MDGA2: variants seen among roughly 807,000 people sequenced by gnomAD.
The protein encoded by MDGA2 is MAM domain-containing glycosylphosphatidylinositol anchor protein 2.
Under a neutral mutation model 117.8 loss-of-function variants are expected in MDGA2, and 40 were observed. That is an observed-to-expected ratio of 0.34 (90% CI 0.26 to 0.44). The LOEUF (loss-of-function observed/expected upper bound fraction) is 0.44. Ranked by LOEUF, MDGA2 falls within the 20% of genes least tolerant of loss-of-function variation. The pLI is 1.00. For missense variants in MDGA2, 1,123 were observed against 1,250.6 expected, an observed-to-expected ratio of 0.90 and a Z score of 1.54; for synonymous variants, 452 against 439.0, an observed-to-expected ratio of 1.03 and a Z score of -0.37.
chr14:47,576,451 A>G (rs1295150673), intron 1 of MDGA2, among the ~76,000 whole-genome samples: 1 of 152,144 alleles, frequency 6.6e-6, no homozygotes, highest in Non-Finnish European at 1.5e-5. Context: ...TAAGGTATGC[A>G]TGATGGTGCA....
intron 12 of MDGA2, 54 bp from the exon 13 acceptor site, chr14:46,874,254 A>G (rs1882134692): frequency 1.1e-6 from 1 of 876,994 alleles, no homozygotes; most frequent in East Asian, 3.3e-5. Context: ...CACATACTGC[A>G]ATATTTTCAT....
intron 10 of MDGA2, among the ~76,000 whole-genome samples, chr14:46,903,501 A>T (rs1883372410): frequency 6.6e-6 from 1 of 152,190 alleles, no homozygotes; most frequent in East Asian, 1.9e-4. Context: ...ATCTTAACCA[A>T]AATGTCTAAT....
At chr14:46,861,620 T>C (rs1361963723) in intron 14 of MDGA2, among the ~76,000 whole-genome samples, 2 of 151,898 alleles carry the variant, frequency 1.3e-5, no homozygotes, top group Non-Finnish European at 2.9e-5. Context: ...TTTACTTGTT[T>C]GATAAGAAAA....
At chr14:46,925,303 A>G (rs1409626911) in intron 9 of MDGA2, among the ~76,000 whole-genome samples, 1 of 152,154 alleles carries the variant, frequency 6.6e-6, no homozygotes, top group Non-Finnish European at 1.5e-5. Context: ...AAGGTAAATA[A>G]ATAGTAAGAT....
chr14:47,475,432 G>A (rs1893816320), intron 1 of MDGA2, among the ~76,000 whole-genome samples: 1 of 152,002 alleles, frequency 6.6e-6, no homozygotes, highest in African/African-American at 2.4e-5. Flanking sequence ...CCTCAGAGAT[G>A]CAGACAGCAG....
intron 1 of MDGA2, among the ~76,000 whole-genome samples, chr14:47,376,219 G>A (rs923594408): frequency 1.3e-5 from 2 of 152,036 alleles, no homozygotes; most frequent in African/African-American, 4.8e-5. Flanking sequence ...GAAAACCTGT[G>A]TGAATAGTTC....
At chr14:47,255,354 A>G (rs781507107) in intron 2 of MDGA2, among the ~76,000 whole-genome samples, 4 of 152,146 alleles carry the variant, frequency 2.6e-5, no homozygotes, top group Non-Finnish European at 5.9e-5. Context: ...GAGTGGTGGC[A>G]GGGGACTGAC....
intron 1 of MDGA2, among the ~76,000 whole-genome samples, chr14:47,522,345 G>GTA (rs573334602): frequency 1.7e-5 from 2 of 115,514 alleles, no homozygotes; most frequent in African/African-American, 3.1e-5. Flanking sequence ...GTGTATATAT[G>GTA]TATATATATG....
chr14:47,104,939 A>G (rs1880561379), intron 5 of MDGA2, among the ~76,000 whole-genome samples: 1 of 151,752 alleles, frequency 6.6e-6, no homozygotes, highest in Non-Finnish European at 1.5e-5. Context: ...CTTAATTTCA[A>G]TTCCTTTCAT....
intron 8 of MDGA2, among the ~76,000 whole-genome samples, chr14:47,020,288 T>A (rs1888241023): frequency 1.3e-5 from 2 of 152,214 alleles, no homozygotes; most frequent in African/African-American, 4.8e-5. Context: ...CAAGATCAGA[T>A]GTGATTCTTA....
chr14:47,633,753 G>A (rs990577927), intron 1 of MDGA2, among the ~76,000 whole-genome samples: 1 of 152,110 alleles, frequency 6.6e-6, no homozygotes, highest in African/African-American at 2.4e-5. Context: ...ACAAATTTTA[G>A]TTTGCAGTCC....
At chr14:46,879,275 G>C (rs1206027814) in intron 11 of MDGA2, among the ~76,000 whole-genome samples, 2 of 151,998 alleles carry the variant, frequency 1.3e-5, no homozygotes, top group Non-Finnish European at 2.9e-5. Flanking sequence ...ATTAGGAAGA[G>C]AGCTCTCACC....
chr14:46,972,035 A>G (rs1401936364), intron 8 of MDGA2, among the ~76,000 whole-genome samples: 1 of 152,148 alleles, frequency 6.6e-6, no homozygotes, highest in Non-Finnish European at 1.5e-5. Flanking sequence ...CTAGTCAACT[A>G]TCAAACCTGA....
intron 8 of MDGA2, among the ~76,000 whole-genome samples, chr14:47,023,894 T>C (rs1436128772): frequency 2.6e-5 from 4 of 152,034 alleles, no homozygotes; most frequent in Non-Finnish European, 4.4e-5. Flanking sequence ...CAAGAGAGTA[T>C]AGAGTAAGGA....
At chr14:46,895,594 C>T (rs1883043048) in intron 10 of MDGA2, among the ~76,000 whole-genome samples, 2 of 151,856 alleles carry the variant, frequency 1.3e-5, no homozygotes, top group Admixed American at 6.6e-5. Flanking sequence ...GGCGTGGTGG[C>T]GGGCGCCTGT....
chr14:47,008,135 T>C (rs1594521192), intron 8 of MDGA2, among the ~76,000 whole-genome samples: 1 of 151,848 alleles, frequency 6.6e-6, no homozygotes, highest in African/African-American at 2.4e-5. Flanking sequence ...CTGAGTCTCA[T>C]TCTATATATA....
chr14:47,215,632 C>G (rs756107918), intron 3 of MDGA2, among the ~76,000 whole-genome samples: 1 of 152,086 alleles, frequency 6.6e-6, no homozygotes, highest in East Asian at 1.9e-4. Flanking sequence ...ATAGGAATAA[C>G]TACTTTAAAT....
At chr14:47,353,365 G>A (rs967545184) in intron 1 of MDGA2, among the ~76,000 whole-genome samples, 4 of 152,082 alleles carry the variant, frequency 2.6e-5, no homozygotes, top group South Asian at 2.1e-4. Flanking sequence ...TTATTGTGTC[G>A]GATGTATGGT....
At chr14:47,129,299 A>T (rs1026542632) in intron 5 of MDGA2, among the ~76,000 whole-genome samples, 37 of 147,500 alleles carry the variant, frequency 2.5e-4, no homozygotes, top group Admixed American at 2.1e-3. Context: ...TGTCCATGTG[A>T]TCTCATTGTT....
Sources: gnomAD v4.1 joint callset for allele counts (sites outside exome capture counted in the v4.1 genomes callset) on GRCh38, gnomAD v4.1.1 for gene constraint, MANE v1.5 for transcripts, NCBI Gene and HGNC (gene_info 2026-07-23, HGNC 2026-07-21) for gene names.